The following CHIC2 variants were observed in gnomAD, a reference collection of about 807,000 sequenced individuals.
CHIC2 encodes cysteine rich hydrophobic domain 2.
CHIC2 carries 14 observed loss-of-function variants against 25.9 expected under a neutral mutation model. The ratio of observed to expected loss-of-function variants is 0.54; its 90% CI spans 0.36 to 0.85. The LOEUF is 0.85. Ranked by LOEUF, CHIC2 falls within the 40% of genes least tolerant of loss-of-function variation. The probability of loss-of-function intolerance (pLI) is 0.01; values close to 1 mark genes in which losing one functional copy is unlikely to be tolerated. For missense variants in CHIC2, 146 were observed against 202.0 expected (o/e 0.72, Z 1.68); for synonymous variants, 70 against 72.0 (o/e 0.97, Z 0.14).
chr4:54,023,369 A>G (rs1007379276), intron 3 of CHIC2, among the ~76,000 whole-genome samples: 2 of 152,098 alleles, frequency 1.3e-5, no homozygotes, highest in Non-Finnish European at 1.5e-5. Context: ...TACAGTTCTC[A>G]TAACTTCCAA....
At chr4:54,080,985 T>A in the CHIC2 span, among the ~76,000 whole-genome samples, 3 of 113,522 alleles carry the variant, frequency 2.6e-5, no homozygotes, top group African/African-American at 9.7e-5. Context: ...TATATATATA[T>A]AAAATCATCA....
At chr4:54,060,380 G>C (rs1717295380) in intron 1 of CHIC2, 1 of 152,160 alleles carries the variant, frequency 6.6e-6, no homozygotes. Flanking sequence ...TCAGAAGAGA[G>C]TACATGAAGA....
chr4:54,060,781 T>C lies in CHIC2; in HGVS notation c.119+3401A>G, dbSNP rs547910213. 3 of 152,310 alleles carry C rather than the reference T, an allele frequency of 2.0e-5. No homozygotes were observed. In the South Asian group the frequency reaches 6.2e-4, roughly 32 times the overall value. The allele number at this position is 152,310 out of a possible 1,614,324, so 9.4% of individuals were successfully genotyped here. A position where few individuals can be genotyped will look rare whatever the true frequency, so the allele number is the denominator to read the frequency against. ...CCTAATAGTCTTTTTACAGTATTAC[T>C]GTTTATTTTAGAAACTATTTTTCCT... On this transcript the variant is annotated intron_variant, in intron 1 of 5. Transcript: ENST00000263921.
upstream of CHIC2, chr4:54,064,715 T>TGGCTGGCG: frequency 1.0e-6 from 1 of 963,214 alleles, no homozygotes. This position sits in a 1 kb window ranked among gnomAD's most constrained non-coding sequence, Gnocchi z 4.2. Context: ...GCGAGCGGAC[T>TGGCTGGCG]GGCTGGCGGG....
At chr4:54,057,171 A>G (rs1190838996) in intron 1 of CHIC2, among the ~76,000 whole-genome samples, 2 of 152,218 alleles carry the variant, frequency 1.3e-5, no homozygotes, top group East Asian at 3.8e-4. Context: ...TCATAGGAAA[A>G]GCTGTGAAAT....
intron 3 of CHIC2, among the ~76,000 whole-genome samples, chr4:54,047,250 A>G (rs1486628614): frequency 6.6e-6 from 1 of 152,208 alleles, no homozygotes; most frequent in Non-Finnish European, 1.5e-5. Flanking sequence ...GCGATTCCTC[A>G]GGGATCTAGA....
chr4:54,017,544 G>T (rs1577962809), intron 3 of CHIC2, among the ~76,000 whole-genome samples: 1 of 152,150 alleles, frequency 6.6e-6, no homozygotes, highest in East Asian at 1.9e-4. Flanking sequence ...CCTTTTCACT[G>T]CTCACACCCT....
At chr4:54,067,555 C>T (rs1717542184), upstream of CHIC2, among the ~76,000 whole-genome samples, 2 of 152,136 alleles carry the variant, frequency 1.3e-5, no homozygotes, top group African/African-American at 4.8e-5. Flanking sequence ...GGATCCTCTC[C>T]CTCTGTGTCC....
At chr4:54,046,054 C>G (rs1167177891) in intron 3 of CHIC2, among the ~76,000 whole-genome samples, 1 of 150,774 alleles carries the variant, frequency 6.6e-6, no homozygotes, top group Non-Finnish European at 1.5e-5. Flanking sequence ...TTCACAATTG[C>G]TTCAAAGAGA....
chr4:54,064,633 G>A (rs974572836), upstream of CHIC2: 2 of 1,083,966 alleles, frequency 1.8e-6, no homozygotes, highest in Non-Finnish European at 2.2e-6. This position sits in a 1 kb window ranked among gnomAD's most constrained non-coding sequence, Gnocchi z 4.2. Flanking sequence ...CACCCGCAGC[G>A]GGAGCAGCCG....
At chr4:54,047,534 C>A (rs1321867663) in intron 3 of CHIC2, among the ~76,000 whole-genome samples, 2 of 150,890 alleles carry the variant, frequency 1.3e-5, no homozygotes, top group African/African-American at 2.4e-5. Context: ...TCATTCTCAG[C>A]AAACTATCGC....
At chr4:54,072,164 G>A in the CHIC2 span, among the ~76,000 whole-genome samples, 3 of 152,002 alleles carry the variant, frequency 2.0e-5, no homozygotes, top group Non-Finnish European at 1.5e-5. Flanking sequence ...GTCATGGCGC[G>A]TGGTGGTGAG....
chr4:54,072,844 G>A, the CHIC2 span, among the ~76,000 whole-genome samples: 2 of 152,138 alleles, frequency 1.3e-5, no homozygotes, highest in South Asian at 2.1e-4. Context: ...AGGCCAAGGC[G>A]GATGGATCAC....
the CHIC2 span, among the ~76,000 whole-genome samples, chr4:54,085,395 C>T: frequency 6.6e-6 from 1 of 152,158 alleles, no homozygotes; most frequent in Non-Finnish European, 1.5e-5. Context: ...TGTATGCATA[C>T]AGAATTAGGG....
At chr4:54,010,954 A>T (rs556647638) in intron 5 of CHIC2, among the ~76,000 whole-genome samples, 89 of 152,292 alleles carry the variant, frequency 5.8e-4, no homozygotes, top group Admixed American at 9.2e-4. Context: ...AGGAAAACCA[A>T]CAAAAACAAA....
At chr4:54,032,585 G>A (rs1444881011) in intron 3 of CHIC2, among the ~76,000 whole-genome samples, 1 of 152,146 alleles carries the variant, frequency 6.6e-6, no homozygotes, top group Non-Finnish European at 1.5e-5. Context: ...GAAAAATACA[G>A]GTCAATTTTA....
chr4:54,088,287 G>A, the CHIC2 span, among the ~76,000 whole-genome samples: 1 of 152,054 alleles, frequency 6.6e-6, no homozygotes. Context: ...TTGTTGAAGG[G>A]TGGTCGTTTG....
intron 3 of CHIC2, among the ~76,000 whole-genome samples, chr4:54,023,516 A>G (rs553730791): frequency 4.6e-4 from 70 of 152,172 alleles, no homozygotes; most frequent in African/African-American, 1.6e-3. Context: ...ATTATTCTGG[A>G]TACCACACCT....
At chr4:54,033,527 T>C (rs991754056) in intron 3 of CHIC2, among the ~76,000 whole-genome samples, 2 of 152,204 alleles carry the variant, frequency 1.3e-5, no homozygotes, top group Non-Finnish European at 2.9e-5. Context: ...TTTTTAACTT[T>C]TATGGAGTCC....
Sources: allele counts gnomAD v4.1 joint callset (sites outside exome capture counted in the v4.1 genomes callset), GRCh38; gene constraint gnomAD v4.1.1; non-coding constraint Gnocchi (gnomAD v3.1); transcripts MANE v1.5; gene names NCBI Gene and HGNC (gene_info 2026-07-23, HGNC 2026-07-21).